AHCY: variants seen among roughly 807,000 people sequenced by gnomAD.
AHCY encodes adenosylhomocysteinase.
A neutral mutation model predicts 45.4 loss-of-function variants in AHCY; 24 were observed. The ratio of observed to expected loss-of-function variants is 0.53; its 90% CI spans 0.38 to 0.74. The LOEUF is 0.74. AHCY is among the 30% of genes least tolerant of loss of function. AHCY has a pLI of 0.00. For synonymous variants in AHCY, 245 were observed against 235.1 expected (o/e 1.04, Z -0.39); for missense variants, 449 against 594.1 (o/e 0.76, Z 2.54).
the AHCY span, among the ~76,000 whole-genome samples, chr20:34,238,771 C>G: frequency 6.6e-6 from 1 of 152,062 alleles, no homozygotes; most frequent in Non-Finnish European, 1.5e-5. Flanking sequence ...TGTGGTAACT[C>G]TAGAAACCAG....
chr20:34,304,720 C>T (rs1041255860), upstream of AHCY, among the ~76,000 whole-genome samples: 4 of 150,726 alleles, frequency 2.7e-5, no homozygotes, highest in African/African-American at 4.9e-5. Context: ...TAGAGTTTGG[C>T]GCTTGTTGCC....
chr20:34,285,998 G>A (rs1184854400), intron 8 of AHCY: 2 of 314,446 alleles, frequency 6.4e-6, no homozygotes, highest in African/African-American at 4.4e-5. Context: ...CCAGCCACTC[G>A]GGAGGCTGAG....
chr20:34,233,707 A>C, the AHCY span, among the ~76,000 whole-genome samples: 2 of 152,200 alleles, frequency 1.3e-5, no homozygotes, highest in Admixed American at 6.5e-5. Flanking sequence ...GAGTTTTTGC[A>C]CTAAAAAATG....
chr20:34,288,966 T>C (rs2036277385), intron 8 of AHCY, among the ~76,000 whole-genome samples: 1 of 152,196 alleles, frequency 6.6e-6, no homozygotes, highest in South Asian at 2.1e-4. Context: ...GGCCTGCTCC[T>C]CACACAGTGA....
chr20:34,249,866 C>G, the AHCY span: 1 of 152,252 alleles, frequency 6.6e-6, no homozygotes, highest in Non-Finnish European at 1.5e-5. Context: ...TGAAAAATCA[C>G]ATATGCACAG....
chr20:34,298,609 A>AGGGGGGGGGGGGGGGGGGGGGGGGG (rs35505406), intron 1 of AHCY, among the ~76,000 whole-genome samples: 1 of 83,138 alleles, frequency 1.2e-5, no homozygotes, highest in Admixed American at 1.7e-4. Context: ...CGGCGGCGGG[A>AGGGGGGGGGGGGGGGGGGGGGGGGG]GGGGGGGGGG....
At chr20:34,258,151 A>AG in the AHCY span, among the ~76,000 whole-genome samples, 2 of 152,008 alleles carry the variant, frequency 1.3e-5, no homozygotes, top group African/African-American at 4.8e-5. Context: ...CTTAAAAAAA[A>AG]AAAGAGAGAA....
intron 4 of AHCY, 147 bp from the exon 5 acceptor site, chr20:34,291,678 G>T (rs7273572): frequency 1.3e-6 from 1 of 758,378 alleles, no homozygotes; most frequent in East Asian, 2.8e-5. Flanking sequence ...CCAGACCCGC[G>T]TGAGGGAGGA....
the AHCY span, among the ~76,000 whole-genome samples, chr20:34,248,191 C>A: frequency 2.0e-5 from 3 of 151,020 alleles, no homozygotes; most frequent in African/African-American, 7.3e-5. Flanking sequence ...GGTGACAGAG[C>A]AAGACTCCAT....
chr20:34,261,973 T>G, the AHCY span, among the ~76,000 whole-genome samples: 2 of 149,144 alleles, frequency 1.3e-5, no homozygotes, highest in Admixed American at 6.7e-5. Flanking sequence ...ATTAGCCAGG[T>G]GTGGTGGTAC....
the AHCY span, among the ~76,000 whole-genome samples, chr20:34,271,542 T>G: frequency 6.6e-6 from 1 of 151,138 alleles, no homozygotes; most frequent in African/African-American, 2.4e-5. Flanking sequence ...CCCAAAGTTC[T>G]CATAGTGTGG....
chr20:34,258,180 TA>T, the AHCY span, among the ~76,000 whole-genome samples: 1 of 151,590 alleles, frequency 6.6e-6, no homozygotes, highest in South Asian at 2.1e-4. Context: ...AAGAAATAGT[TA>T]AGTGCTCCAT....
chr20:34,256,659 A>T, the AHCY span, among the ~76,000 whole-genome samples: 303 of 152,260 alleles, frequency 2.0e-3, 5 homozygotes, highest in Non-Finnish European at 3.5e-4. Flanking sequence ...AATTCCCATT[A>T]CAGTTTTTGG....
the AHCY span, among the ~76,000 whole-genome samples, chr20:34,241,043 A>G: frequency 6.6e-6 from 1 of 152,198 alleles, no homozygotes; most frequent in Non-Finnish European, 1.5e-5. Context: ...ATCCACGGAC[A>G]GGAAAGACGC....
chr20:34,297,049 G>A (rs978616962), intron 1 of AHCY, among the ~76,000 whole-genome samples: 1 of 151,832 alleles, frequency 6.6e-6, no homozygotes, highest in Admixed American at 6.6e-5. Flanking sequence ...CTCTAGCCAC[G>A]CCTCATCTTT....
At chr20:34,309,187 T>A (rs2036924249) in intron 1 of AHCY, among the ~76,000 whole-genome samples, 1 of 151,946 alleles carries the variant, frequency 6.6e-6, no homozygotes, top group South Asian at 2.1e-4. Context: ...CTCGAACTCC[T>A]GACCTGAAGT....
At chr20:34,268,975 G>C in the AHCY span, 1 of 1,592,680 alleles carries the variant, frequency 6.3e-7, no homozygotes, top group Non-Finnish European at 8.5e-7. Context: ...ATAAAGCCCC[G>C]GCGTTTCCCA....
intron 9 of AHCY, among the ~76,000 whole-genome samples, chr20:34,283,888 C>G (rs2036084056): frequency 6.6e-6 from 1 of 152,140 alleles, no homozygotes. Context: ...GTATGTAGAC[C>G]CCATCACAGC....
intron 3 of AHCY, chr20:34,293,510 G>A (rs2036471139): frequency 5.8e-6 from 1 of 172,550 alleles, no homozygotes; most frequent in Admixed American, 5.5e-5. Context: ...GCTGAGGAAT[G>A]GGGATCATGC....
Sources: allele counts gnomAD v4.1 joint callset (sites outside exome capture counted in the v4.1 genomes callset), GRCh38; gene constraint gnomAD v4.1.1; transcripts MANE v1.5; gene names NCBI Gene and HGNC (gene_info 2026-07-23, HGNC 2026-07-21).